KIAA0753: variants seen among roughly 807,000 people sequenced by gnomAD.
KIAA0753 encodes KIAA0753.
In KIAA0753, 114 loss-of-function variants were observed where a neutral mutation model predicts 116.9. That is an observed-to-expected ratio of 0.98 (90% CI 0.84 to 1.14). KIAA0753 has a LOEUF of 1.14. KIAA0753 is among the 50% of genes most tolerant of loss of function. The pLI is 0.00. For synonymous variants in KIAA0753, 405 were observed against 413.1 expected, an observed-to-expected ratio of 0.98 and a Z score of 0.24; for missense variants, 1,156 against 1,172.4, an observed-to-expected ratio of 0.99 and a Z score of 0.20.
intron 1 of KIAA0753, chr17:6,637,280 C>A (rs1307112088): frequency 6.6e-6 from 1 of 152,310 alleles, no homozygotes; most frequent in African/African-American, 2.4e-5. Context: ...GGCAGAGGCA[C>A]CCTCCCGGCC....
At chr17:6,634,785 G>A in intron 2 of KIAA0753, 1 of 463,332 alleles carries the variant, frequency 2.2e-6, no homozygotes, top group South Asian at 2.7e-5. Context: ...TCATTTTTAG[G>A]AGAAGTATTC....
intron 16 of KIAA0753, among the ~76,000 whole-genome samples, chr17:6,593,540 C>G (rs1969241114): frequency 6.6e-6 from 1 of 152,054 alleles, no homozygotes; most frequent in Non-Finnish European, 1.5e-5. Flanking sequence ...TGGCTCACAC[C>G]TGGAATCCCA....
intron 6 of KIAA0753, 116 bp from the exon 7 acceptor site, chr17:6,621,114 C>G: frequency 1.2e-6 from 1 of 813,784 alleles, no homozygotes; most frequent in East Asian, 2.7e-5. Flanking sequence ...CTATCTCTAA[C>G]AGTTAACACA....
intron 18 of KIAA0753, 88 bp downstream of exon 18, chr17:6,589,691 G>A: frequency 2.1e-6 from 2 of 971,716 alleles, no homozygotes; most frequent in Non-Finnish European, 1.5e-6. Context: ...TATGGGATAA[G>A]ACCTTGGCTA....
rs1972240988 is a variant in KIAA0753, at chr17:6,635,177, A to C, written c.-68-6T>G. The C allele has an allele frequency of 3.5e-6, 4 of 1,142,230 alleles. No homozygotes were observed. Among genetic ancestry groups the C allele is most frequent in the Non-Finnish European group, 5.3e-6 (4 of 754,266 alleles). 70.8% of individuals were successfully genotyped at this position (1,142,230 alleles called of 1,614,324 possible). ...AGTCTTCCCTAAAACCATTCCTAAA[A>C]CGAAACAAAGCTACTTCAGACCAAC... is the stretch of plus-strand genomic sequence containing the variant. On this transcript the variant is annotated splice_polypyrimidine_tract_variant and splice_region_variant and intron_variant, in intron 1 of 18. Transcript: ENST00000361413.
At chr17:6,629,607 G>T (rs567586831) in intron 2 of KIAA0753, among the ~76,000 whole-genome samples, 16 of 152,046 alleles carry the variant, frequency 1.1e-4, no homozygotes, top group Non-Finnish European at 1.5e-4. Context: ...ACCCTCCTTA[G>T]GCCTACCAGA....
rs1161241167 is a variant in KIAA0753 at position 6,639,093 on chromosome 17, C to CG, written c.-69+1543dup. 1 of 152,506 alleles carries CG rather than the reference C, an allele frequency of 6.6e-6. No individual in the cohort carries two copies. The highest frequency in any genetic ancestry group is 1.5e-5 in the Non-Finnish European group (1 of 68,374). 9.4% of individuals were successfully genotyped at this position (152,506 alleles called of 1,614,324 possible). On this transcript the variant is annotated intron_variant, in intron 1 of 18. Transcript: ENST00000361413. The surrounding 1 kb of genome is among the most constrained non-coding windows in gnomAD (Gnocchi z 4.3). ...CCCCAACAGAGTATCCTGTGCCCCA[C>CG]GGGCCGGGCATACCCACAGAGTCTG... is the stretch of plus-strand genomic sequence containing the variant.
At chr17:6,597,642 T>C (rs1366355693) in intron 14 of KIAA0753, among the ~76,000 whole-genome samples, 1 of 152,236 alleles carries the variant, frequency 6.6e-6, no homozygotes, top group Admixed American at 6.5e-5. Flanking sequence ...ATATACTTCA[T>C]GTGCCAGTTC....
At chr17:6,588,730 A>G (rs1968767969) in intron 18 of KIAA0753, among the ~76,000 whole-genome samples, 1 of 152,206 alleles carries the variant, frequency 6.6e-6, no homozygotes, top group South Asian at 2.1e-4. Context: ...TAACAAGGTG[A>G]TAACTTGCGA....
intron 3 of KIAA0753, among the ~76,000 whole-genome samples, chr17:6,627,906 T>C (rs1971773315): frequency 6.6e-6 from 1 of 152,170 alleles, no homozygotes; most frequent in Non-Finnish European, 1.5e-5. Context: ...AGAAGTTCTT[T>C]CATGTCCCTC....
At chr17:6,588,166 C>T (rs946219558) in intron 18 of KIAA0753, among the ~76,000 whole-genome samples, 4 of 152,064 alleles carry the variant, frequency 2.6e-5, no homozygotes, top group African/African-American at 9.7e-5. Flanking sequence ...TTCCTCACCC[C>T]CACAAAAGAA....
chr17:6,623,758 G>A, intron 4 of KIAA0753, 187 bp from the exon 5 acceptor site: 1 of 710,038 alleles, frequency 1.4e-6, no homozygotes, highest in South Asian at 2.2e-5. Flanking sequence ...GTTCAAGATA[G>A]TGAATAGGCA....
chr17:6,591,077 G>T (rs1476505987), intron 16 of KIAA0753, among the ~76,000 whole-genome samples: 20 of 129,574 alleles, frequency 1.5e-4, no homozygotes, highest in Non-Finnish European at 2.9e-4. Flanking sequence ...AGAAGAAGAA[G>T]AAGAAGAAGA....
intron 3 of KIAA0753, among the ~76,000 whole-genome samples, chr17:6,625,554 C>G (rs931324479): frequency 1.3e-5 from 2 of 151,790 alleles, no homozygotes; most frequent in Non-Finnish European, 2.9e-5. Context: ...GTAATCCCAG[C>G]TACTCGGGAG....
intron 14 of KIAA0753, among the ~76,000 whole-genome samples, chr17:6,597,725 TGA>T (rs1969580688): frequency 6.6e-6 from 1 of 152,252 alleles, no homozygotes. Flanking sequence ...TTTCCTGATA[TGA>T]GAGATAATCT....
chr17:6,607,928 C>T (rs916252439), intron 10 of KIAA0753, among the ~76,000 whole-genome samples: 1 of 152,160 alleles, frequency 6.6e-6, no homozygotes, highest in Non-Finnish European at 1.5e-5. Context: ...AACCCTCCCC[C>T]GTTTCTAAAC....
At chr17:6,624,729 C>T (rs1368367566) in intron 4 of KIAA0753, 26 bp downstream of exon 4, 11 of 1,475,964 alleles carry the variant, frequency 7.5e-6, no homozygotes, top group East Asian at 2.5e-5. Flanking sequence ...GGCTGACTGC[C>T]CTACTTCTCC....
rs60310389 is a variant in KIAA0753, at chr17:6,615,614, CAAAAAAAAAAA to C, written c.1316-3477_1316-3467del. 9.5e-4 allele frequency among the ~76,000 whole-genome samples: 56 copies of C among 58,762 alleles called. No homozygotes were observed. The South Asian group carries it at 0.01, about 11-fold the overall frequency. The allele number at this position is 58,762 out of a possible 152,430, so 38.6% of individuals were successfully genotyped here. On this transcript the variant is annotated intron_variant, in intron 7 of 18. Transcript: ENST00000361413. The stretch of plus-strand genomic sequence containing the variant: ...TGGGCAACAGAGCGAGACTCCGTCT[CAAAAAAAAAAA>C]AAAAAAAAAAAAAAAAACCTAAATC...
At chr17:6,600,338 A>G (rs1302563021) in intron 13 of KIAA0753, 42 bp downstream of exon 13, 2 of 1,462,812 alleles carry the variant, frequency 1.4e-6, no homozygotes, top group African/African-American at 1.4e-5. Context: ...TAAATCCAGG[A>G]CTTCCAAAAA....
Sources: allele counts gnomAD v4.1 joint callset (sites outside exome capture counted in the v4.1 genomes callset), GRCh38; gene constraint gnomAD v4.1.1; non-coding constraint Gnocchi (gnomAD v3.1); transcripts MANE v1.5; gene names NCBI Gene and HGNC (gene_info 2026-07-23, HGNC 2026-07-21).